Variants in SIPA1L2 observed in about 807,000 individuals in gnomAD.
SIPA1L2 encodes signal induced proliferation associated 1 like 2, also known as signal-induced proliferation-associated 1-like protein 2.
A neutral mutation model predicts 163.9 loss-of-function variants in SIPA1L2; 56 were observed. The observed-to-expected ratio is 0.34, with a 90% CI of 0.28 to 0.43. The LOEUF (loss-of-function observed/expected upper bound fraction) is 0.43, where lower values mean the gene tolerates loss of function less well. Ranked by LOEUF, SIPA1L2 falls within the 20% of genes least tolerant of loss-of-function variation. The probability of loss-of-function intolerance (pLI) is 1.00; values close to 1 mark genes in which losing one functional copy is unlikely to be tolerated. For synonymous variants in SIPA1L2, 877 were observed against 865.7 expected (o/e 1.01, Z -0.23); for missense variants, 1,974 against 2,193.5 (o/e 0.90, Z 2.00).
At chr1:232,432,117 G>A (rs566469750) in intron 16 of SIPA1L2, 130 bp downstream of exon 16, 23 of 726,516 alleles carry the variant, frequency 3.2e-5, no homozygotes, top group Non-Finnish European at 4.2e-5. Context: ...AACATTTAAA[G>A]AGTTTAAGAA....
intron 1 of SIPA1L2, among the ~76,000 whole-genome samples, chr1:232,595,071 C>T (rs1661182674): frequency 6.6e-6 from 1 of 152,172 alleles, no homozygotes; most frequent in Admixed American, 6.5e-5. Context: ...GGAACAGGAA[C>T]AGCTACACAA....
At chr1:232,451,299 T>C (rs979524248) in intron 10 of SIPA1L2, among the ~76,000 whole-genome samples, 1 of 152,186 alleles carries the variant, frequency 6.6e-6, no homozygotes, top group Admixed American at 6.5e-5. Flanking sequence ...GAAGTCCTCA[T>C]GCTGCAGTGC....
chr1:232,518,569 C>T (rs569198395), intron 2 of SIPA1L2, among the ~76,000 whole-genome samples: 94 of 152,284 alleles, frequency 6.2e-4, no homozygotes, highest in Admixed American at 1.7e-3. Context: ...CTTCAAACAG[C>T]CCACTCTCCA....
intron 3 of SIPA1L2, 144 bp from the exon 4 acceptor site, chr1:232,493,804 G>T: frequency 9.1e-7 from 1 of 1,097,874 alleles, no homozygotes; most frequent in Non-Finnish European, 1.3e-6. Context: ...GTTTCATCAA[G>T]TCTTCTGGTT....
At chr1:232,539,287 C>G (rs772804304) in intron 2 of SIPA1L2, among the ~76,000 whole-genome samples, 3 of 152,108 alleles carry the variant, frequency 2.0e-5, no homozygotes, top group African/African-American at 7.2e-5. Context: ...TTGAGAGGTG[C>G]GAAACAATCT....
chr1:232,409,777 G>A (rs1322024949), intron 19 of SIPA1L2, among the ~76,000 whole-genome samples: 1 of 152,106 alleles, frequency 6.6e-6, no homozygotes, highest in African/African-American at 2.4e-5. Flanking sequence ...CCCCAGCTAA[G>A]ATCACATGGA....
intron 15 of SIPA1L2, among the ~76,000 whole-genome samples, chr1:232,438,235 T>C (rs559341026): frequency 3.8e-4 from 58 of 152,298 alleles, no homozygotes; most frequent in African/African-American, 1.4e-3. Flanking sequence ...ACTAGGTACC[T>C]GCAAGAAATA....
intron 3 of SIPA1L2, among the ~76,000 whole-genome samples, chr1:232,512,278 T>A (rs996884089): frequency 6.6e-6 from 1 of 152,160 alleles, no homozygotes; most frequent in Non-Finnish European, 1.5e-5. Context: ...GGTGGGAGTG[T>A]AAATTAGTTC....
intron 2 of SIPA1L2, among the ~76,000 whole-genome samples, chr1:232,560,783 T>C (rs938246618): frequency 6.6e-6 from 1 of 152,172 alleles, no homozygotes; most frequent in Admixed American, 6.5e-5. Context: ...AACAGAATCA[T>C]GAGAGGTATC....
At chr1:232,531,693 C>G (rs1229829607) in intron 2 of SIPA1L2, among the ~76,000 whole-genome samples, 1 of 152,128 alleles carries the variant, frequency 6.6e-6, no homozygotes, top group African/African-American at 2.4e-5. Flanking sequence ...AGGTAGAATG[C>G]AACTGAATTT....
At chr1:232,447,364 C>A (rs1445832979) in intron 10 of SIPA1L2, among the ~76,000 whole-genome samples, 13 of 152,240 alleles carry the variant, frequency 8.5e-5, no homozygotes, top group Admixed American at 8.5e-4. Flanking sequence ...GCTGGCTGAT[C>A]TGCTCCAGCC....
intron 1 of SIPA1L2, among the ~76,000 whole-genome samples, chr1:232,591,705 A>G (rs944571299): frequency 6.6e-6 from 1 of 152,230 alleles, no homozygotes; most frequent in South Asian, 2.1e-4. Context: ...AAGAAAATCA[A>G]AAAGATGCGG....
At chr1:232,629,188 G>A (rs895784068) in intron 1 of SIPA1L2, among the ~76,000 whole-genome samples, 6 of 152,224 alleles carry the variant, frequency 3.9e-5, no homozygotes, top group Non-Finnish European at 8.8e-5. Flanking sequence ...CTCTCTTGCA[G>A]ATGATGAGCC....
In SIPA1L2 at chr1:232,515,369, C is replaced by G. The variant is rs779989708; in HGVS notation, c.-30G>C. The G allele has an allele frequency of 2.0e-6, 3 of 1,537,284 alleles. No individual in the cohort carries two copies. The highest frequency in any genetic ancestry group is 2.1e-5 in the Admixed American group (1 of 48,774). On this transcript the variant is annotated 5_prime_UTR_variant, in exon 3 of 23. Transcript: ENST00000674635. ...ACCGAGGAAGAGCCTCCAAGTCTCA[C>G]CAGGAAGACTGATGTAAATCTAATT...
intron 21 of SIPA1L2, 52 bp downstream of exon 21, chr1:232,403,396 G>T: frequency 6.3e-7 from 1 of 1,588,110 alleles, no homozygotes; most frequent in South Asian, 1.1e-5. Flanking sequence ...CCGAATCTTG[G>T]CTAATCATGC....
At chr1:232,587,392 G>T (rs115924150) in intron 1 of SIPA1L2, among the ~76,000 whole-genome samples, 1 of 152,046 alleles carries the variant, frequency 6.6e-6, no homozygotes, top group Admixed American at 6.5e-5. Flanking sequence ...GTCTAGTTCT[G>T]TCTCATTTAG....
intron 2 of SIPA1L2, among the ~76,000 whole-genome samples, chr1:232,527,725 C>CTTCT (rs1262783383): frequency 1.5e-4 from 12 of 80,950 alleles, no homozygotes; most frequent in African/African-American, 5.2e-4. Flanking sequence ...TCTTCTTCTT[C>CTTCT]TTTTTTTTTT....
chr1:232,456,797 A>T (rs1473021975), intron 10 of SIPA1L2, among the ~76,000 whole-genome samples: 1 of 152,126 alleles, frequency 6.6e-6, no homozygotes, highest in Admixed American at 6.6e-5. Flanking sequence ...TGCCACAGAG[A>T]CTGTCTGCTT....
rs755066103 is a variant in SIPA1L2 at position 232,425,825 on chromosome 1, G to A, written c.4411-17C>T. Reference sequence around the variant, plus strand: ...GAACGAAAACTAGGGTTTAAACAAGGTGCGAGGAGGGAACAGACATTAAAA... The same window carrying A: ...GAACGAAAACTAGGGTTTAAACAAGATGCGAGGAGGGAACAGACATTAAAA... On this transcript the variant is annotated splice_polypyrimidine_tract_variant and intron_variant, in intron 17 of 22. Transcript: ENST00000674635. The A allele has an allele frequency of 1.2e-6, 2 of 1,606,938 alleles. No individual in the cohort carries two copies. The highest frequency in any genetic ancestry group is 8.5e-7 in the Non-Finnish European group (1 of 1,174,450).
Sources: allele counts gnomAD v4.1 joint callset (sites outside exome capture counted in the v4.1 genomes callset), GRCh38; gene constraint gnomAD v4.1.1; transcripts MANE v1.5; gene names NCBI Gene and HGNC (gene_info 2026-07-23, HGNC 2026-07-21).